PLGRKT: variants seen among roughly 807,000 people sequenced by gnomAD.
PLGRKT encodes plasminogen receptor with a C-terminal lysine.
In PLGRKT, 22 loss-of-function variants were observed where a neutral mutation model predicts 18.5. That is an observed-to-expected ratio of 1.19 (90% CI 0.85 to 1.70). The LOEUF is 1.70. Ranked by LOEUF, PLGRKT falls within the 40% of genes most tolerant of loss-of-function variation. The pLI is 0.00. For missense variants in PLGRKT, 235 were observed against 174.4 expected, an observed-to-expected ratio of 1.35 and a Z score of -1.96; for synonymous variants, 72 against 52.8, an observed-to-expected ratio of 1.36 and a Z score of -1.58.
intron 3 of PLGRKT, among the ~76,000 whole-genome samples, chr9:5,402,489 C>G (rs1054174336): frequency 9.9e-5 from 15 of 151,910 alleles, no homozygotes; most frequent in African/African-American, 3.6e-4. Context: ...AGACCACATA[C>G]CTAAACTCAC....
Position 5,369,488 on chromosome 9 carries a change from G to A in PLGRKT, c.82-7600C>T, listed in dbSNP as rs993466630. ...GAAATAGGAACGCGTTTACACTGTT[G>A]TGGGAGTGTAGATTATTAGTTCAAC... On this transcript the variant is annotated intron_variant, in intron 3 of 5. Transcript: ENST00000223864. Among the ~76,000 whole-genome samples, 4 of 152,186 alleles carry A rather than the reference G, an allele frequency of 2.6e-5. No individual in the cohort carries two copies. The South Asian group carries it at 8.3e-4, about 32-fold the overall frequency.
At chr9:5,399,130 C>T (rs147631916) in intron 3 of PLGRKT, among the ~76,000 whole-genome samples, 1,831 of 151,794 alleles carry the variant, frequency 0.012, 19 homozygotes, top group Middle Eastern at 0.031. Context: ...ATTCCTATTC[C>T]TTACTCTAGC....
intron 3 of PLGRKT, chr9:5,392,789 C>G (rs1817974045): frequency 6.6e-6 from 1 of 151,074 alleles, no homozygotes; most frequent in Admixed American, 6.6e-5. Context: ...TTGGCATGCC[C>G]CTTTATTTAA....
At chr9:5,383,015 T>A (rs1477106319) in intron 3 of PLGRKT, among the ~76,000 whole-genome samples, 5 of 152,142 alleles carry the variant, frequency 3.3e-5, no homozygotes, top group African/African-American at 1.2e-4. Flanking sequence ...TTGGGGGATA[T>A]AATTAAGGAT....
chr9:5,426,925 T>TG (rs1420793140), intron 3 of PLGRKT, among the ~76,000 whole-genome samples: 3 of 152,274 alleles, frequency 2.0e-5, no homozygotes, highest in Admixed American at 2.0e-4. Context: ...TTATGGGACT[T>TG]GGAGTGCGTG....
intron 3 of PLGRKT, chr9:5,419,124 GC>G (rs1327181528): frequency 1.1e-5 from 2 of 189,136 alleles, no homozygotes; most frequent in Non-Finnish European, 2.2e-5. Context: ...AAAGGCCAGG[GC>G]GACCTCAGCG....
chr9:5,424,665 ATTT>A (rs1387074701), intron 3 of PLGRKT, among the ~76,000 whole-genome samples: 1 of 106,732 alleles, frequency 9.4e-6, no homozygotes, highest in Admixed American at 1.1e-4. Flanking sequence ...ATAATTATAT[ATTT>A]TATATATATA....
At chr9:5,402,340 A>T (rs1357395269) in intron 3 of PLGRKT, among the ~76,000 whole-genome samples, 5 of 151,904 alleles carry the variant, frequency 3.3e-5, no homozygotes, top group Non-Finnish European at 7.4e-5. Context: ...GGGGCTGACA[A>T]TAGCAGGAAA....
rs572845770 is a variant in PLGRKT at position 5,392,269 on chromosome 9, T to C, written c.82-30381A>G. ...GATGTTCACAATAAAGATATGATCA[T>C]AGTTCTGATTAATTGCTTAGGGTTA... On this transcript the variant is annotated intron_variant, in intron 3 of 5. Transcript: ENST00000223864. The C allele has an allele frequency of 1.1e-4, 17 of 152,066 alleles. 1 individual carries two copies. The highest frequency in any genetic ancestry group is 3.1e-4 in the African/African-American group (13 of 41,324). The allele number at this position is 152,066 out of a possible 1,614,324, so 9.4% of individuals were successfully genotyped here. A position where few individuals can be genotyped will look rare whatever the true frequency, so the allele number is the denominator to read the frequency against.
At position 5,390,309 on chromosome 9, in the gene PLGRKT, C is replaced by T. The variant is rs541021223; in HGVS notation, c.82-28421G>A. On this transcript the variant is annotated intron_variant, in intron 3 of 5. Coordinates refer to ENST00000223864, the MANE Select transcript of PLGRKT (RefSeq NM_018465.4). Reference sequence around the variant, plus strand: ...CCTGAAAAACCACAAAACTGCCAGACGAAGACCTAGACATGTGACACTTTT... The same window carrying T: ...CCTGAAAAACCACAAAACTGCCAGATGAAGACCTAGACATGTGACACTTTT... Among the ~76,000 whole-genome samples the T allele has an allele frequency of 1.8e-4, 28 of 151,556 alleles. 1 individual carries two copies. Among genetic ancestry groups the T allele is most frequent in the South Asian group, 4.2e-4 (2 of 4,818 alleles).
intron 3 of PLGRKT, among the ~76,000 whole-genome samples, chr9:5,374,212 A>C (rs1025386040): frequency 6.6e-6 from 1 of 152,156 alleles, no homozygotes; most frequent in Non-Finnish European, 1.5e-5. Flanking sequence ...CTCTTGAACC[A>C]AGTCTCCTAT....
chr9:5,418,879 C>T lies in PLGRKT; in HGVS notation c.81+13018G>A. ...CGTCTGCTGGAGGCAAACTGAACAG[C>T]AGGTGTGCTTGCAATCCAGCAACTT... On this transcript the variant is annotated intron_variant, in intron 3 of 5. Coordinates refer to ENST00000223864, the MANE Select transcript of PLGRKT (RefSeq NM_018465.4). The surrounding 1 kb of genome is among the most constrained non-coding windows in gnomAD (Gnocchi z 4.2). 3 of 1,011,866 alleles carry T rather than the reference C, an allele frequency of 3.0e-6. No individual in the cohort carries two copies. Among genetic ancestry groups the T allele is most frequent in the Non-Finnish European group, 4.6e-6 (3 of 646,470 alleles). 62.7% of individuals were successfully genotyped at this position (1,011,866 alleles called of 1,614,324 possible).
intron 3 of PLGRKT, among the ~76,000 whole-genome samples, chr9:5,383,929 T>C (rs1817793913): frequency 6.6e-6 from 1 of 152,142 alleles, no homozygotes; most frequent in South Asian, 2.1e-4. Flanking sequence ...GAGAAGCAAT[T>C]TGAAGGCCAG....
chr9:5,388,462 A>T (rs1438394352), intron 3 of PLGRKT, among the ~76,000 whole-genome samples: 1 of 152,004 alleles, frequency 6.6e-6, no homozygotes, highest in East Asian at 1.9e-4. Flanking sequence ...GATACATAAA[A>T]ATCTATATAA....
chr9:5,384,827 C>G (rs1817811194), intron 3 of PLGRKT, among the ~76,000 whole-genome samples: 1 of 152,142 alleles, frequency 6.6e-6, no homozygotes, highest in African/African-American at 2.4e-5. Flanking sequence ...GCCCCTCACA[C>G]ACAGCAAGTG....
intron 3 of PLGRKT, among the ~76,000 whole-genome samples, chr9:5,409,279 A>G (rs1364893466): frequency 2.0e-5 from 3 of 152,200 alleles, no homozygotes; most frequent in Non-Finnish European, 4.4e-5. Context: ...GGGAAGGCAG[A>G]TCTACCCTTA....
At chr9:5,377,849 C>G (rs1343750301) in intron 3 of PLGRKT, among the ~76,000 whole-genome samples, 1 of 152,098 alleles carries the variant, frequency 6.6e-6, no homozygotes, top group African/African-American at 2.4e-5. Context: ...GGGATGGGGT[C>G]TGAAAGAGAA....
At chr9:5,383,906 C>G (rs1020155505) in intron 3 of PLGRKT, among the ~76,000 whole-genome samples, 3 of 152,126 alleles carry the variant, frequency 2.0e-5, no homozygotes, top group Admixed American at 6.5e-5. Context: ...ATTTATTGAG[C>G]CAGGGAATGG....
At chr9:5,379,989 C>T (rs1164920223) in intron 3 of PLGRKT, among the ~76,000 whole-genome samples, 1 of 152,154 alleles carries the variant, frequency 6.6e-6, no homozygotes, top group Admixed American at 6.5e-5. Flanking sequence ...TTGAACGAAA[C>T]TGGGGACCAA....
Sources: allele counts gnomAD v4.1 joint callset (sites outside exome capture counted in the v4.1 genomes callset), GRCh38; gene constraint gnomAD v4.1.1; non-coding constraint Gnocchi (gnomAD v3.1); transcripts MANE v1.5; gene names NCBI Gene and HGNC (gene_info 2026-07-23, HGNC 2026-07-21).